Variants in SLC25A13 observed in about 807,000 individuals in gnomAD.
SLC25A13 encodes the protein solute carrier family 25 member 13, also known as electrogenic aspartate/glutamate antiporter SLC25A13, mitochondrial.
A neutral mutation model predicts 85.5 loss-of-function variants in SLC25A13; 70 were observed. That is an observed-to-expected ratio of 0.82 (90% CI 0.68 to 1.00). The LOEUF is 1.00. SLC25A13 is among the 50% of genes least tolerant of loss of function. The probability of loss-of-function intolerance (pLI) is 0.00; values close to 1 mark genes in which losing one functional copy is unlikely to be tolerated. For synonymous variants in SLC25A13, 259 were observed against 288.7 expected, an observed-to-expected ratio of 0.90 and a Z score of 1.04; for missense variants, 765 against 819.8, an observed-to-expected ratio of 0.93 and a Z score of 0.82.
Position 96,184,354 on chromosome 7 carries a change from C to T in SLC25A13, c.1100G>A (p.Gly367Glu). The part of the protein sequence containing the change: ...QNQRSTGSFV[G>E]ELMYKNSFDC... The stretch of plus-strand genomic sequence containing the variant: ...AAAGCTGTTTTTATACATGAGTTCT[C>T]CCACAAAAGAGCCAGTTGATCGTTG... The change falls in exon 11 of 18, where the codon GGA (glycine) becomes GAA (glutamate). Residue 367 changes from glycine to glutamate, a missense_variant. Gly to Glu is a moderately conservative substitution (Grantham distance 98). Transcript: ENST00000265631. 1 of 1,614,130 alleles carries T rather than the reference C, an allele frequency of 6.2e-7. No homozygotes were observed. Among genetic ancestry groups the T allele is most frequent in the Non-Finnish European group, 8.5e-7 (1 of 1,180,014 alleles).
chr7:96,251,800 C>T (rs544421435), intron 3 of SLC25A13, among the ~76,000 whole-genome samples: 2 of 152,296 alleles, frequency 1.3e-5, no homozygotes, highest in East Asian at 3.9e-4. Flanking sequence ...GGGGTGTGTA[C>T]ATTTACTATC....
chr7:96,141,097 A>G lies in SLC25A13; in HGVS notation c.1452+5459T>C, dbSNP rs112165951. Among the ~76,000 whole-genome samples, 477 of 143,812 alleles carry G rather than the reference A, an allele frequency of 3.3e-3. 1 individual carries two copies. Among genetic ancestry groups the G allele is most frequent in the African/African-American group, 0.012 (446 of 38,570 alleles). 94.3% of individuals were successfully genotyped at this position (143,812 alleles called of 152,430 possible). A position where few individuals can be genotyped will look rare whatever the true frequency, so the allele number is the denominator to read the frequency against. ...GTGTGGTGGTGCAATCATATAGCTC[A>G]CCGCAGCCTCGAACTCCTGGGTTCA... On this transcript the variant is annotated intron_variant, in intron 14 of 17. Coordinates refer to ENST00000265631, the MANE Select transcript of SLC25A13 (RefSeq NM_014251.3).
chr7:96,246,790 T>C (rs1797208545), intron 3 of SLC25A13, among the ~76,000 whole-genome samples: 1 of 152,116 alleles, frequency 6.6e-6, no homozygotes, highest in Non-Finnish European at 1.5e-5. Flanking sequence ...GAAATAAAAT[T>C]ATTCATGGTG....
At chr7:96,232,201 A>G (rs1342514735) in intron 4 of SLC25A13, among the ~76,000 whole-genome samples, 7 of 152,234 alleles carry the variant, frequency 4.6e-5, no homozygotes, top group Non-Finnish European at 1.0e-4. Context: ...CATTAATGAT[A>G]GACTGGATAA....
intron 14 of SLC25A13, among the ~76,000 whole-genome samples, chr7:96,133,281 G>A (rs986269388): frequency 6.6e-5 from 10 of 152,178 alleles, no homozygotes; most frequent in African/African-American, 2.4e-4. Flanking sequence ...TCAGGCTTCT[G>A]TATCTTGTCC....
chr7:96,284,008 G>A lies in SLC25A13; in HGVS notation c.70-6670C>T, dbSNP rs1469253217. On this transcript the variant is annotated intron_variant, in intron 2 of 17. Coordinates refer to ENST00000265631, the MANE Select transcript of SLC25A13 (RefSeq NM_014251.3). ...TTACTGCGCAAGAAATTACTCAACT[G>A]GTTAGAAGATGGCCAGATATTATTT... Among the ~76,000 whole-genome samples the A allele has an allele frequency of 2.6e-5, 4 of 152,026 alleles. No homozygotes were observed. In the East Asian group the frequency reaches 5.8e-4, roughly 22 times the overall value.
At chr7:96,263,234 G>A (rs4305828) in intron 3 of SLC25A13, among the ~76,000 whole-genome samples, 96,938 of 151,880 alleles carry the variant, frequency 0.64, 31,121 homozygotes, top group African/African-American at 0.65. Context: ...CAACAGTCCC[G>A]GACACCCAGG....
At chr7:96,167,391 A>T (rs554194228) in intron 13 of SLC25A13, among the ~76,000 whole-genome samples, 9 of 152,272 alleles carry the variant, frequency 5.9e-5, no homozygotes, top group African/African-American at 2.2e-4. Flanking sequence ...CTTTCATTCT[A>T]AAAAAATATA....
At chr7:96,294,569 C>T (rs116274208) in intron 2 of SLC25A13, among the ~76,000 whole-genome samples, 1,701 of 150,858 alleles carry the variant, frequency 0.011, 31 homozygotes, top group African/African-American at 0.04. Context: ...ACATGCGCAA[C>T]CTGCACTCCA....
At position 96,120,987 on chromosome 7, in the gene SLC25A13, C is replaced by T; in HGVS notation, c.*204G>A. 1 of 715,462 alleles carries T rather than the reference C, an allele frequency of 1.4e-6. No individual in the cohort carries two copies. The highest frequency in any genetic ancestry group is 2.5e-6 in the Non-Finnish European group (1 of 406,900). 44.3% of individuals were successfully genotyped at this position (715,462 alleles called of 1,614,324 possible). A position where few individuals can be genotyped will look rare whatever the true frequency, so the allele number is the denominator to read the frequency against. ...CAAACAAAGGTTTCTGGGCAGAGGG[C>T]CAAATAATAATTATGAATAATTTCA... On this transcript the variant is annotated 3_prime_UTR_variant, in exon 18 of 18. Transcript: ENST00000265631.
chr7:96,146,592 A>G lies in SLC25A13; in HGVS notation c.1416T>C (p.Ser472=), dbSNP rs764951987. ...CAAAAAACCCCAGGTCCCGCACGAC[A>G]GACAGAGCACTGACTCGAGGACCAG... The part of the protein sequence containing the change: ...ITTGPRVSAL[S]VVRDLGFFGI... The change falls in exon 14 of 18, where the codon TCT becomes TCC. Residue 472 remains serine (S), a synonymous_variant. Coordinates refer to ENST00000265631, the MANE Select transcript of SLC25A13 (RefSeq NM_014251.3). 6.2e-7 allele frequency: 1 copy of G among 1,614,060 alleles called. No homozygotes were observed. Among genetic ancestry groups the G allele is most frequent in the South Asian group, 1.1e-5 (1 of 91,076 alleles).
intron 11 of SLC25A13, among the ~76,000 whole-genome samples, chr7:96,177,569 G>A (rs924938046): frequency 2.6e-5 from 4 of 152,184 alleles, no homozygotes; most frequent in South Asian, 4.1e-4. Flanking sequence ...TTCCACATCT[G>A]TAGAATGGGA....
At chr7:96,275,992 T>C (rs1798435377) in intron 3 of SLC25A13, among the ~76,000 whole-genome samples, 1 of 152,192 alleles carries the variant, frequency 6.6e-6, no homozygotes, top group South Asian at 2.1e-4. Flanking sequence ...TATCTCAAAC[T>C]GCTGCATGTG....
At chr7:96,177,878 A>G (rs977900972) in intron 11 of SLC25A13, among the ~76,000 whole-genome samples, 10 of 152,142 alleles carry the variant, frequency 6.6e-5, no homozygotes, top group South Asian at 2.1e-4. Flanking sequence ...GTGCTCCTTA[A>G]TTCTCTGCGG....
At chr7:96,148,591 T>C (rs1792899102) in intron 13 of SLC25A13, among the ~76,000 whole-genome samples, 1 of 152,106 alleles carries the variant, frequency 6.6e-6, no homozygotes, top group South Asian at 2.1e-4. Context: ...GAAAAATGAA[T>C]AGAAATTTAA....
intron 4 of SLC25A13, among the ~76,000 whole-genome samples, chr7:96,227,697 G>A (rs1330786744): frequency 6.6e-6 from 1 of 152,098 alleles, no homozygotes; most frequent in East Asian, 1.9e-4. Flanking sequence ...CCAGGCAATC[G>A]ACATATCCTT....
chr7:96,258,377 A>C (rs903500710), intron 3 of SLC25A13, among the ~76,000 whole-genome samples: 1 of 152,236 alleles, frequency 6.6e-6, no homozygotes, highest in African/African-American at 2.4e-5. Context: ...ATGTCTCAGG[A>C]TACAAAATTC....
chr7:96,307,395 T>C (rs1799788350), intron 1 of SLC25A13, among the ~76,000 whole-genome samples: 2 of 152,012 alleles, frequency 1.3e-5, no homozygotes, highest in African/African-American at 4.8e-5. Flanking sequence ...TGAGTTTGCT[T>C]TGAAAAACAT....
At chr7:96,293,011 G>A (rs1291315758) in intron 2 of SLC25A13, among the ~76,000 whole-genome samples, 2 of 152,128 alleles carry the variant, frequency 1.3e-5, no homozygotes, top group African/African-American at 4.8e-5. Context: ...GAGGCGTCAC[G>A]TTACCTGACT....
Sources: gnomAD v4.1 joint callset for allele counts (sites outside exome capture counted in the v4.1 genomes callset) on GRCh38, gnomAD v4.1.1 for gene constraint, MANE v1.5 for transcripts, NCBI Gene and HGNC (gene_info 2026-07-23, HGNC 2026-07-21) for gene names.